MECOM: variants seen among roughly 807,000 people sequenced by gnomAD.
The protein encoded by MECOM is MDS1 and EVI1 complex locus.
MECOM carries 13 observed loss-of-function variants against 116.3 expected under a neutral mutation model. The ratio of observed to expected loss-of-function variants is 0.11; its 90% CI spans 0.07 to 0.18. The LOEUF is 0.18. Ranked by LOEUF, MECOM falls within the 10% of genes least tolerant of loss-of-function variation. The probability of loss-of-function intolerance (pLI) is 1.00; values close to 1 mark genes in which losing one functional copy is unlikely to be tolerated. For missense variants in MECOM, 1,299 were observed against 1,509.0 expected (o/e 0.86, Z 2.31); for synonymous variants, 528 against 535.2 (o/e 0.99, Z 0.19).
intron 2 of MECOM, among the ~76,000 whole-genome samples, chr3:169,345,614 A>G (rs1725223223): frequency 6.6e-6 from 1 of 152,130 alleles, no homozygotes; most frequent in African/African-American, 2.4e-5. Flanking sequence ...GAGAGAGATT[A>G]ATTCTGTGCT....
intron 1 of MECOM, among the ~76,000 whole-genome samples, chr3:169,558,606 G>A (rs12633280): frequency 0.22 from 33,551 of 152,088 alleles, 4,715 homozygotes; most frequent in East Asian, 0.7. Context: ...GAGTATCTCA[G>A]CACCCACTTA....
intron 1 of MECOM, among the ~76,000 whole-genome samples, chr3:169,557,533 A>G (rs1225751841): frequency 1.3e-5 from 2 of 152,214 alleles, no homozygotes; most frequent in African/African-American, 4.8e-5. Flanking sequence ...TTCAACAAAA[A>G]CAACTCGTGG....
chr3:169,495,858 G>A (rs769549021), intron 1 of MECOM, among the ~76,000 whole-genome samples: 1 of 152,190 alleles, frequency 6.6e-6, no homozygotes. Context: ...GGTTGGGGTT[G>A]TCCTTTCCTC....
intron 2 of MECOM, among the ~76,000 whole-genome samples, chr3:169,149,207 G>T (rs1740717623): frequency 6.6e-6 from 1 of 151,880 alleles, no homozygotes; most frequent in Non-Finnish European, 1.5e-5. Context: ...AAGTAATCTG[G>T]GGAACCGATT....
chr3:169,090,745 A>T (rs1394994060), intron 14 of MECOM, among the ~76,000 whole-genome samples: 3 of 151,902 alleles, frequency 2.0e-5, no homozygotes, highest in Admixed American at 2.0e-4. Flanking sequence ...CTGATACTAG[A>T]TGACATTTGT....
chr3:169,149,327 G>A (rs1465521410), intron 2 of MECOM, among the ~76,000 whole-genome samples: 18 of 152,264 alleles, frequency 1.2e-4, no homozygotes, highest in South Asian at 4.2e-4. Flanking sequence ...GGAAACGTCG[G>A]TAGGAAAACA....
chr3:169,117,121 C>T (rs1224782192), intron 7 of MECOM, among the ~76,000 whole-genome samples: 7 of 152,046 alleles, frequency 4.6e-5, no homozygotes, highest in African/African-American at 1.4e-4. Context: ...GCATTACGTA[C>T]AAAACACAAC....
At chr3:169,166,340 C>T (rs887963230) in intron 2 of MECOM, among the ~76,000 whole-genome samples, 3 of 152,114 alleles carry the variant, frequency 2.0e-5, no homozygotes, top group Non-Finnish European at 2.9e-5. Context: ...CTCAAAGGTG[C>T]TAATTACTGA....
At chr3:169,360,196 A>G (rs1727976994) in intron 2 of MECOM, among the ~76,000 whole-genome samples, 1 of 150,510 alleles carries the variant, frequency 6.6e-6, no homozygotes, top group Admixed American at 6.7e-5. Flanking sequence ...CCAGTAGCAT[A>G]TATTTTGGAA....
chr3:169,348,217 T>C (rs779643458), intron 2 of MECOM, among the ~76,000 whole-genome samples: 4 of 152,116 alleles, frequency 2.6e-5, no homozygotes, highest in African/African-American at 9.7e-5. Flanking sequence ...CACATGTGCA[T>C]AAGGACCAGA....
intron 5 of MECOM, 52 bp from the exon 6 acceptor site, chr3:169,122,779 A>T (rs371205909): frequency 1.3e-6 from 2 of 1,586,356 alleles, no homozygotes; most frequent in African/African-American, 2.7e-5. Flanking sequence ...TCATAAACGG[A>T]ACAACATTTT....
chr3:169,620,104 G>C (rs373865380), intron 1 of MECOM, among the ~76,000 whole-genome samples: 1 of 152,210 alleles, frequency 6.6e-6, no homozygotes, highest in Non-Finnish European at 1.5e-5. Context: ...ATACTGGAAG[G>C]CTTATTCTTA....
chr3:169,617,064 G>A (rs374824768), intron 1 of MECOM, among the ~76,000 whole-genome samples: 4 of 151,892 alleles, frequency 2.6e-5, no homozygotes, highest in South Asian at 2.1e-4. Flanking sequence ...TATTTTCTTC[G>A]CCCTCCCACA....
At chr3:169,222,969 G>A (rs1029961480) in intron 2 of MECOM, among the ~76,000 whole-genome samples, 3 of 152,214 alleles carry the variant, frequency 2.0e-5, no homozygotes, top group East Asian at 1.9e-4. Flanking sequence ...AAAATGCAAA[G>A]TGAGGAAATA....
intron 2 of MECOM, among the ~76,000 whole-genome samples, chr3:169,176,660 T>C (rs988312525): frequency 6.6e-6 from 1 of 151,982 alleles, no homozygotes; most frequent in Admixed American, 6.6e-5. Context: ...CAAAAGAAAC[T>C]ATCATCAGAG....
At chr3:169,346,812 T>C (rs1191611123) in intron 2 of MECOM, among the ~76,000 whole-genome samples, 5 of 152,034 alleles carry the variant, frequency 3.3e-5, no homozygotes. Flanking sequence ...TATAGTTCCA[T>C]ATATAGTTCC....
chr3:169,562,139 C>CAAAAAAA (rs10714325), intron 1 of MECOM, among the ~76,000 whole-genome samples: 24 of 25,276 alleles, frequency 9.5e-4, no homozygotes, highest in Non-Finnish European at 1.1e-3. Context: ...GAGCAATACT[C>CAAAAAAA]AAAAAAAAAA....
At chr3:169,486,029 A>ATATATATACATATATATAC (rs1416714963) in intron 1 of MECOM, among the ~76,000 whole-genome samples, 3,631 of 115,572 alleles carry the variant, frequency 0.031, 119 homozygotes, top group Middle Eastern at 0.06. Flanking sequence ...TATATATAGT[A>ATATATATACATATATATAC]TATATATATA....
chr3:169,472,997 C>A (rs1749802664), intron 1 of MECOM: 1 of 981,928 alleles, frequency 1.0e-6, no homozygotes, highest in South Asian at 4.7e-5. Flanking sequence ...AGATACCATG[C>A]CAAATGTCAA....
Sources: allele counts gnomAD v4.1 joint callset (sites outside exome capture counted in the v4.1 genomes callset), GRCh38; gene constraint gnomAD v4.1.1; transcripts MANE v1.5; gene names NCBI Gene and HGNC (gene_info 2026-07-23, HGNC 2026-07-21).